Variants in RNF13 observed in about 807,000 individuals in gnomAD.
RNF13 encodes E3 ubiquitin-protein ligase RNF13.
Under a neutral mutation model 37.7 loss-of-function variants are expected in RNF13, and 19 were observed. The observed-to-expected ratio is 0.50, with a 90% CI of 0.35 to 0.74. The LOEUF (loss-of-function observed/expected upper bound fraction) is 0.74, where lower values mean the gene tolerates loss of function less well. Among genes scored for constraint, RNF13 ranks in the 30% least tolerant of loss-of-function variants. The pLI is 0.01. For missense variants in RNF13, 375 were observed against 453.0 expected (o/e 0.83, Z 1.56); for synonymous variants, 144 against 157.8 (o/e 0.91, Z 0.65).
Position 149,896,718 on chromosome 3 carries a change from A to T in RNF13, c.409+1158A>T, listed in dbSNP as rs575660095. Reference sequence around the variant, plus strand: ...GGTCTTGAACTCCCGACCTCAGGTGATCCGCCCACCTCAGCCTCCCAAAGT... The same window carrying T: ...GGTCTTGAACTCCCGACCTCAGGTGTTCCGCCCACCTCAGCCTCCCAAAGT... On this transcript the variant is annotated intron_variant, in intron 5 of 9. Transcript: ENST00000392894. Among the ~76,000 whole-genome samples the T allele has an allele frequency of 1.3e-4, 20 of 152,232 alleles. No individual in the cohort carries two copies. In the South Asian group the frequency reaches 3.9e-3, roughly 30 times the overall value.
At chr3:149,828,977 T>C (rs531642373) in intron 1 of RNF13, among the ~76,000 whole-genome samples, 1 of 152,352 alleles carries the variant, frequency 6.6e-6, no homozygotes, top group East Asian at 1.9e-4. Flanking sequence ...GGAGTACATG[T>C]TAATACTGTG....
At chr3:149,919,751 G>C (rs545029787) in intron 7 of RNF13, among the ~76,000 whole-genome samples, 44 of 152,298 alleles carry the variant, frequency 2.9e-4, no homozygotes, top group African/African-American at 1.0e-3. Context: ...TATTGGGTAA[G>C]TATATCTAGG....
chr3:149,934,963 T>C (rs1576561221), intron 8 of RNF13, among the ~76,000 whole-genome samples: 1 of 152,204 alleles, frequency 6.6e-6, no homozygotes, highest in East Asian at 1.9e-4. Flanking sequence ...TTTATTCTGC[T>C]GTGGTCAGAA....
At chr3:149,880,877 T>C (rs1286259082) in intron 4 of RNF13, among the ~76,000 whole-genome samples, 1 of 152,126 alleles carries the variant, frequency 6.6e-6, no homozygotes, top group Non-Finnish European at 1.5e-5. Flanking sequence ...AAAAACTATC[T>C]ATATGAGTGA....
chr3:149,873,856 C>G (rs1429402210), intron 4 of RNF13, among the ~76,000 whole-genome samples: 2 of 152,020 alleles, frequency 1.3e-5, no homozygotes, highest in Non-Finnish European at 2.9e-5. Flanking sequence ...ATATATCTCA[C>G]TTATTTGTGA....
intron 4 of RNF13, among the ~76,000 whole-genome samples, chr3:149,879,180 T>G (rs1468487380): frequency 6.6e-6 from 1 of 152,222 alleles, no homozygotes; most frequent in Non-Finnish European, 1.5e-5. Flanking sequence ...ATCTATAATG[T>G]GTATATGTGC....
chr3:149,860,863 G>A (rs1164136902), intron 3 of RNF13, among the ~76,000 whole-genome samples: 1 of 152,094 alleles, frequency 6.6e-6, no homozygotes, highest in African/African-American at 2.4e-5. Flanking sequence ...AACTCTCCAT[G>A]TGACAGGGGA....
chr3:149,818,145 T>A (rs1719652838), intron 1 of RNF13, among the ~76,000 whole-genome samples: 1 of 152,250 alleles, frequency 6.6e-6, no homozygotes, highest in Non-Finnish European at 1.5e-5. Flanking sequence ...ATTACTTGGA[T>A]CCTACTACTT....
At chr3:149,858,138 C>G (rs1171885291) in intron 3 of RNF13, among the ~76,000 whole-genome samples, 2 of 152,166 alleles carry the variant, frequency 1.3e-5, no homozygotes, top group Non-Finnish European at 2.9e-5. Context: ...TTGATGCAGC[C>G]CTCACCAGAA....
intron 8 of RNF13, among the ~76,000 whole-genome samples, chr3:149,940,653 T>A (rs1720153540): frequency 6.6e-6 from 1 of 152,206 alleles, no homozygotes; most frequent in Non-Finnish European, 1.5e-5. Context: ...TGAAAGTTTT[T>A]ATTTTTTCTT....
intron 7 of RNF13, among the ~76,000 whole-genome samples, chr3:149,919,584 ATTCC>A (rs1717914093): frequency 6.6e-6 from 1 of 152,152 alleles, no homozygotes; most frequent in South Asian, 2.1e-4. Context: ...TGGATTGTTC[ATTCC>A]TTTTTATTGC....
chr3:149,856,743 A>G (rs771419702), intron 3 of RNF13, among the ~76,000 whole-genome samples: 3 of 151,958 alleles, frequency 2.0e-5, no homozygotes, highest in Non-Finnish European at 4.4e-5. Flanking sequence ...GCACCTGGCC[A>G]AAATATCTTA....
intron 2 of RNF13, chr3:149,851,654 T>G (rs184520100): frequency 4.8e-4 from 73 of 152,318 alleles, no homozygotes; most frequent in African/African-American, 1.8e-3. Flanking sequence ...ATGTCCTACA[T>G]GTTGTGAACA....
At chr3:149,915,651 G>C (rs764600910) in intron 7 of RNF13, among the ~76,000 whole-genome samples, 5 of 152,180 alleles carry the variant, frequency 3.3e-5, no homozygotes, top group Non-Finnish European at 7.3e-5. Context: ...GCATACAATG[G>C]AATATTATTC....
chr3:149,813,113 TGA>T (rs1719066647), upstream of RNF13: 1 of 152,088 alleles, frequency 6.6e-6, no homozygotes, highest in Non-Finnish European at 1.5e-5. Context: ...AGACTCCGCG[TGA>T]GAGTGGGAAA....
intron 8 of RNF13, among the ~76,000 whole-genome samples, chr3:149,948,455 T>C (rs866434586): frequency 6.6e-5 from 10 of 152,326 alleles, no homozygotes; most frequent in Middle Eastern, 3.4e-3. Flanking sequence ...TTTTGTTGAT[T>C]TTTTCTAGTG....
chr3:149,957,716 T>C (rs947134879), intron 8 of RNF13, among the ~76,000 whole-genome samples: 20 of 152,248 alleles, frequency 1.3e-4, no homozygotes, highest in Non-Finnish European at 2.4e-4. Context: ...AAACACCATG[T>C]AAATTACTCT....
intron 3 of RNF13, among the ~76,000 whole-genome samples, chr3:149,855,147 G>A (rs1286762815): frequency 2.6e-5 from 4 of 152,060 alleles, no homozygotes; most frequent in East Asian, 1.9e-4. Context: ...GTGAAACCCT[G>A]TCTCTACCAA....
chr3:149,847,956 C>G (rs1033533739), intron 2 of RNF13, among the ~76,000 whole-genome samples: 1 of 152,154 alleles, frequency 6.6e-6, no homozygotes, highest in Non-Finnish European at 1.5e-5. Context: ...GGAACTTAAG[C>G]AGATATATAA....
Sources: allele counts gnomAD v4.1 joint callset (sites outside exome capture counted in the v4.1 genomes callset), GRCh38; gene constraint gnomAD v4.1.1; transcripts MANE v1.5; gene names NCBI Gene and HGNC (gene_info 2026-07-23, HGNC 2026-07-21).